The following DNMBP variants were observed in gnomAD, a reference collection of about 807,000 sequenced individuals.
DNMBP encodes the protein dynamin-binding protein.
In DNMBP, 87 loss-of-function variants were observed where a neutral mutation model predicts 150.0. That is an observed-to-expected ratio of 0.58 (90% confidence interval 0.49 to 0.69). The LOEUF (loss-of-function observed/expected upper bound fraction) is 0.69. Among genes scored for constraint, DNMBP ranks in the 30% least tolerant of loss-of-function variants. The pLI, the probability that DNMBP is intolerant of heterozygous loss-of-function variation, is 0.00. For missense variants in DNMBP, 1,774 were observed against 1,949.0 expected (o/e 0.91, Z 1.69); for synonymous variants, 711 against 750.4 (o/e 0.95, Z 0.86).
chr10:99,929,644 G>A (rs1224478494), intron 4 of DNMBP: 6 of 694,132 alleles, frequency 8.6e-6, no homozygotes, highest in East Asian at 5.4e-5. Context: ...AACTCTGAGC[G>A]CCTCAGGGTG....
At chr10:100,004,000 G>A (rs2041042179) in intron 1 of DNMBP, among the ~76,000 whole-genome samples, 1 of 151,848 alleles carries the variant, frequency 6.6e-6, no homozygotes. Context: ...GGGAGGCCAA[G>A]GCAGGAAGAT....
At chr10:99,978,444 T>A (rs1039154820) in intron 1 of DNMBP, among the ~76,000 whole-genome samples, 1 of 152,220 alleles carries the variant, frequency 6.6e-6, no homozygotes, top group African/African-American at 2.4e-5. Context: ...CGTTTATCAA[T>A]TTGTGTTATT....
At chr10:99,912,014 C>T (rs1273932975) in intron 4 of DNMBP, among the ~76,000 whole-genome samples, 1 of 152,116 alleles carries the variant, frequency 6.6e-6, no homozygotes, top group African/African-American at 2.4e-5. Flanking sequence ...CTATCACATG[C>T]CAGGTACTTT....
In DNMBP at chr10:99,876,394, CA is replaced by C. The variant is rs71754926; in HGVS notation, c.*756del. On this transcript the variant is annotated 3_prime_UTR_variant, in exon 17 of 17. Transcript: ENST00000324109. ...TGGGCAACATAGCAAGACCCCATCT[CA>C]AAAAAAAAAGCGGGGGGGCAGTGAT... is the stretch of plus-strand genomic sequence containing the variant. 1,829 of 136,534 alleles carry C rather than the reference CA, an allele frequency of 0.013. 24 individuals are homozygous for C. Among genetic ancestry groups the C allele is most frequent in the African/African-American group, 0.033 (1,218 of 37,352 alleles). 8.5% of individuals were successfully genotyped at this position (136,534 alleles called of 1,614,324 possible).
chr10:99,953,815 A>G, intron 4 of DNMBP, among the ~76,000 whole-genome samples: 1 of 146,030 alleles, frequency 6.8e-6, no homozygotes. Context: ...CTCTGTCTCA[A>G]AAAAAAAAAG....
At chr10:100,000,859 CAAA>C (rs36026874) in intron 1 of DNMBP, among the ~76,000 whole-genome samples, 10,083 of 52,550 alleles carry the variant, frequency 0.19, 539 homozygotes, top group South Asian at 0.41. Context: ...CCTGTTATGG[CAAA>C]AAAAAAAAAA....
At chr10:99,886,137 T>G (rs1199744318) in intron 13 of DNMBP, among the ~76,000 whole-genome samples, 163 bp downstream of exon 13, 1 of 152,200 alleles carries the variant, frequency 6.6e-6, no homozygotes, top group Non-Finnish European at 1.5e-5. Flanking sequence ...AGCCACAGGC[T>G]TCATGACACC....
intron 4 of DNMBP, among the ~76,000 whole-genome samples, chr10:99,914,580 A>C (rs1029850326): frequency 6.6e-6 from 1 of 152,162 alleles, no homozygotes; most frequent in African/African-American, 2.4e-5. Flanking sequence ...TAGTCCCAGG[A>C]CAGCAAGAAC....
At chr10:99,905,340 C>G (rs7080613) in intron 6 of DNMBP, among the ~76,000 whole-genome samples, 1 of 152,024 alleles carries the variant, frequency 6.6e-6, no homozygotes, top group African/African-American at 2.4e-5. Flanking sequence ...TTTGCCTGCA[C>G]GACAGAAAGA....
chr10:99,991,548 A>G (rs1455488262), intron 1 of DNMBP, among the ~76,000 whole-genome samples: 1 of 151,784 alleles, frequency 6.6e-6, no homozygotes, highest in Non-Finnish European at 1.5e-5. Flanking sequence ...TTGGCTTCCT[A>G]GTACAATGTT....
chr10:99,979,026 T>TTA, intron 1 of DNMBP, among the ~76,000 whole-genome samples: 2 of 152,288 alleles, frequency 1.3e-5, no homozygotes, highest in East Asian at 1.9e-4. Flanking sequence ...AAATGTCAAT[T>TTA]TATATATATA....
chr10:99,879,766 T>A, intron 16 of DNMBP, 45 bp downstream of exon 16: 2 of 1,602,890 alleles, frequency 1.2e-6, no homozygotes, highest in Non-Finnish European at 1.7e-6. Flanking sequence ...CCACAACACA[T>A]CTGCTGCCGC....
intron 3 of DNMBP, among the ~76,000 whole-genome samples, chr10:99,964,043 G>A (rs1340802596): frequency 1.3e-5 from 2 of 151,722 alleles, no homozygotes; most frequent in African/African-American, 2.4e-5. Context: ...TCTGTCTTAC[G>A]TGAGGCAATT....
chr10:99,884,865 CTGCATTCCAGCCTGGGTGACAGAGCAA>C (rs1229148525), intron 14 of DNMBP, among the ~76,000 whole-genome samples: 2 of 152,100 alleles, frequency 1.3e-5, no homozygotes, highest in Non-Finnish European at 2.9e-5. Context: ...GATCAGACCA[CTGCATTCCAGCCTGGGTGACAGAGCAA>C]GGCTCTGTCT....
At chr10:99,888,254 A>C (rs924086431) in intron 12 of DNMBP, among the ~76,000 whole-genome samples, 2 of 150,792 alleles carry the variant, frequency 1.3e-5, no homozygotes, top group South Asian at 4.2e-4. Context: ...TCTGTTGCCC[A>C]GGCTGGAGTA....
At chr10:100,006,393 G>C (rs932138109) in intron 1 of DNMBP, among the ~76,000 whole-genome samples, 1 of 152,148 alleles carries the variant, frequency 6.6e-6, no homozygotes, top group Non-Finnish European at 1.5e-5. Flanking sequence ...TCTTGAGCTA[G>C]AGAGGGCCCA....
At chr10:99,938,663 T>C (rs2040260822) in intron 4 of DNMBP, among the ~76,000 whole-genome samples, 1 of 152,196 alleles carries the variant, frequency 6.6e-6, no homozygotes, top group African/African-American at 2.4e-5. Flanking sequence ...AGATAAGCAG[T>C]TTGCATAAAG....
chr10:99,977,450 A>G (rs1418688568), intron 1 of DNMBP, among the ~76,000 whole-genome samples: 2 of 152,232 alleles, frequency 1.3e-5, no homozygotes, highest in African/African-American at 4.8e-5. Context: ...TGGGCTTGAG[A>G]GAACACCGAG....
rs2039309993 is a variant in DNMBP at position 99,878,498 on chromosome 10, A to G, written c.4549-1162T>C. On this transcript the variant is annotated intron_variant, in intron 16 of 16. Transcript: ENST00000324109. The stretch of plus-strand genomic sequence containing the variant: ...GGTAGGCCCAGAATGGGGATGTTTG[A>G]CCCGGGAAGTAGGTAGTAAGAGAAA... Among the ~76,000 whole-genome samples the G allele has an allele frequency of 2.0e-5, 3 of 152,234 alleles. No individual in the cohort carries two copies. In the South Asian group the frequency reaches 6.2e-4, roughly 32 times the overall value.
Sources: gnomAD v4.1 joint callset for allele counts (sites outside exome capture counted in the v4.1 genomes callset) on GRCh38, gnomAD v4.1.1 for gene constraint, MANE v1.5 for transcripts, NCBI Gene and HGNC (gene_info 2026-07-23, HGNC 2026-07-21) for gene names.